The following TNKS variants were observed in gnomAD, a reference collection of about 807,000 sequenced individuals.
TNKS encodes poly [ADP-ribose] polymerase tankyrase-1.
TNKS carries 72 observed loss-of-function variants against 135.8 expected under a neutral mutation model. The observed-to-expected ratio is 0.53, with a 90% CI of 0.44 to 0.64. The LOEUF (loss-of-function observed/expected upper bound fraction) is 0.64, where lower values mean the gene tolerates loss of function less well. Among genes scored for constraint, TNKS ranks in the 30% least tolerant of loss-of-function variants. The probability of loss-of-function intolerance (pLI) is 0.00; values close to 1 mark genes in which losing one functional copy is unlikely to be tolerated. For missense variants in TNKS, 1,769 were observed against 1,674.0 expected (o/e 1.06, Z -0.99); for synonymous variants, 849 against 649.3 (o/e 1.31, Z -4.68).
intron 20 of TNKS, among the ~76,000 whole-genome samples, chr8:9,754,353 T>C (rs1806724471): frequency 6.6e-6 from 1 of 152,212 alleles, no homozygotes; most frequent in Non-Finnish European, 1.5e-5. Context: ...GTTTTTTCAA[T>C]TATTCTTTAT....
At chr8:9,616,333 T>G (rs1585234811) in intron 3 of TNKS, among the ~76,000 whole-genome samples, 1 of 152,180 alleles carries the variant, frequency 6.6e-6, no homozygotes, top group East Asian at 1.9e-4. Flanking sequence ...TCTAAGTGTT[T>G]TCATTGATCT....
chr8:9,766,178 C>A, intron 24 of TNKS, 61 bp from the exon 25 acceptor site: 1 of 1,390,970 alleles, frequency 7.2e-7, no homozygotes. Flanking sequence ...AAATAGTGTG[C>A]AGGTAATTGA....
chr8:9,625,106 T>C (rs1034689374), intron 3 of TNKS, among the ~76,000 whole-genome samples: 1 of 152,134 alleles, frequency 6.6e-6, no homozygotes, highest in African/African-American at 2.4e-5. Context: ...TTTAAGTAGG[T>C]CTGAAACTAA....
intron 21 of TNKS, 59 bp downstream of exon 21, chr8:9,761,695 G>GATACTT (rs1807157529): frequency 6.5e-7 from 1 of 1,548,264 alleles, no homozygotes; most frequent in Non-Finnish European, 8.7e-7. Context: ...GTAAGTATTG[G>GATACTT]GGCTGATAAT....
intron 3 of TNKS, among the ~76,000 whole-genome samples, chr8:9,630,983 A>G (rs1800268454): frequency 6.6e-6 from 1 of 152,114 alleles, no homozygotes; most frequent in Admixed American, 6.5e-5. Context: ...CATTTTCATG[A>G]CCTTTTCTAA....
In TNKS at chr8:9,556,375, C is replaced by G. The variant is rs1386998246; in HGVS notation, c.436C>G (p.Pro146Ala). 6.2e-7 allele frequency: 1 copy of G among 1,614,246 alleles called. No individual in the cohort carries two copies. The highest frequency in any genetic ancestry group is 2.2e-5 in the East Asian group (1 of 44,884). Residue 146 changes from proline to alanine, a missense_variant, in exon 1 of 27, where the codon CCT becomes GCT. By Grantham distance (27) the Pro-to-Ala change is conservative. This residue lies in a region of TNKS where 450 missense variants were observed against 304.9 expected (regional missense o/e 1.48). Coordinates refer to ENST00000310430, the MANE Select transcript of TNKS (RefSeq NM_003747.3). Reference protein sequence around the residue: ...TSSSSSSPSSPGSSLAESPEA... With the variant: ...TSSSSSSPSSAGSSLAESPEA... The stretch of plus-strand genomic sequence containing the variant: ...TTCCTCATCTTCCTCTCCATCCTCC[C>G]CTGGATCGAGCTTGGCGGAGAGCCC...
chr8:9,706,804 A>C lies in TNKS; in HGVS notation c.1270-7A>C, dbSNP rs1343774835. 6 of 1,584,692 alleles carry C rather than the reference A, an allele frequency of 3.8e-6. No homozygotes were observed. The highest frequency in any genetic ancestry group is 5.1e-6 in the Non-Finnish European group (6 of 1,171,998). On this transcript the variant is annotated splice_polypyrimidine_tract_variant and splice_region_variant and intron_variant, in intron 7 of 26. Transcript: ENST00000310430. ...ACTGACCTAAAATGTTTTTTTTCTCAATTCAGCATGGAGCTTGTGTTAATG... is the reference window on the plus strand; with the variant it reads ...ACTGACCTAAAATGTTTTTTTTCTCCATTCAGCATGGAGCTTGTGTTAATG...
rs369426205 is a variant in TNKS, at chr8:9,556,182, G to A, written c.243G>A (p.Pro81=). ...SRDPPDRPRS[P]DPVDGTSCCS... ...ATCCGCCCGACAGGCCCCGATCCCC[G>A]GACCCGGTTGACGGTACCAGCTGTT... The change falls in exon 1 of 27, where the codon CCG becomes CCA. Residue 81 remains proline, a synonymous_variant. Coordinates refer to ENST00000310430, the MANE Select transcript of TNKS (RefSeq NM_003747.3). 1 of 1,612,916 alleles carries A rather than the reference G, an allele frequency of 6.2e-7. No homozygotes were observed. Among genetic ancestry groups the A allele is most frequent in the East Asian group, 2.2e-5 (1 of 44,848 alleles).
chr8:9,663,279 A>G (rs1801819638), intron 3 of TNKS, among the ~76,000 whole-genome samples: 1 of 152,228 alleles, frequency 6.6e-6, no homozygotes, highest in Non-Finnish European at 1.5e-5. Flanking sequence ...ATAGGAAACT[A>G]ATATCTGAAG....
intron 2 of TNKS, among the ~76,000 whole-genome samples, chr8:9,605,309 T>A (rs1799172541): frequency 6.6e-6 from 1 of 152,096 alleles, no homozygotes. Flanking sequence ...TTTTGGAGAT[T>A]TCATCCCTGT....
At chr8:9,677,298 A>G (rs1011787772) in intron 3 of TNKS, among the ~76,000 whole-genome samples, 1 of 152,144 alleles carries the variant, frequency 6.6e-6, no homozygotes, top group African/African-American at 2.4e-5. Flanking sequence ...TTTCCTTTTG[A>G]AAGCTTTGGT....
chr8:9,649,725 T>A (rs2128780490), intron 3 of TNKS, among the ~76,000 whole-genome samples: 1 of 152,200 alleles, frequency 6.6e-6, no homozygotes, highest in Admixed American at 6.5e-5. Context: ...TACACGATAT[T>A]TGGTTTTCCA....
chr8:9,616,391 C>A (rs184774146), intron 3 of TNKS, among the ~76,000 whole-genome samples: 1 of 152,260 alleles, frequency 6.6e-6, no homozygotes, highest in South Asian at 2.1e-4. Flanking sequence ...TTATTCTTAG[C>A]ATCTGAGTCC....
Position 9,720,424 on chromosome 8 carries a change from A to C in TNKS, c.1800A>C (p.Leu600=). 1 of 1,614,076 alleles carries C rather than the reference A, an allele frequency of 6.2e-7. No individual in the cohort carries two copies. The highest frequency in any genetic ancestry group is 8.5e-7 in the Non-Finnish European group (1 of 1,179,976). Residue 600 remains leucine, a synonymous_variant, in exon 12 of 27, where the codon CTA becomes CTC. Transcript: ENST00000310430. The part of the protein sequence containing the change: ...LGQTALHRAA[L]AGHLQTCRLL... ...AGACTGCTTTGCATAGAGCCGCCCT[A>C]GCAGGTCACCTGCAGACCTGCCGCC...
intron 2 of TNKS, among the ~76,000 whole-genome samples, chr8:9,610,491 T>C (rs1388738346): frequency 1.3e-5 from 2 of 152,024 alleles, no homozygotes; most frequent in Non-Finnish European, 2.9e-5. Flanking sequence ...TAAAAATAGT[T>C]TGTCTCTTAA....
intron 2 of TNKS, among the ~76,000 whole-genome samples, chr8:9,582,690 G>C (rs1247820376): frequency 6.6e-6 from 1 of 152,150 alleles, no homozygotes; most frequent in African/African-American, 2.4e-5. Flanking sequence ...TTCCTGAGAG[G>C]ATAAGCTAGT....
chr8:9,588,143 T>A (rs897615090), intron 2 of TNKS, among the ~76,000 whole-genome samples: 1 of 152,224 alleles, frequency 6.6e-6, no homozygotes, highest in African/African-American at 2.4e-5. Context: ...TTAAAAAAAA[T>A]AAATTTTGTG....
At chr8:9,699,387 T>G (rs1412648782) in intron 5 of TNKS, among the ~76,000 whole-genome samples, 1 of 152,202 alleles carries the variant, frequency 6.6e-6, no homozygotes, top group African/African-American at 2.4e-5. Context: ...AAATAGCAGT[T>G]GTAAATTTCT....
intron 11 of TNKS, among the ~76,000 whole-genome samples, chr8:9,717,102 T>TATATATATATA (rs60792807): frequency 5.7e-4 from 70 of 122,752 alleles, no homozygotes; most frequent in African/African-American, 1.0e-3. Flanking sequence ...TATATATATA[T>TATATATATATA]TTTCAGGGAA....
Sources: allele counts gnomAD v4.1 joint callset (sites outside exome capture counted in the v4.1 genomes callset), GRCh38; gene constraint gnomAD v4.1.1; regional missense constraint gnomAD v4.1.1; transcripts MANE v1.5; gene names NCBI Gene and HGNC (gene_info 2026-07-23, HGNC 2026-07-21).